The following RGS6 variants were observed in gnomAD, a reference collection of about 807,000 sequenced individuals.
RGS6 encodes the protein regulator of G protein signaling 6, also known as regulator of G-protein signaling 6.
Under a neutral mutation model 78.5 loss-of-function variants are expected in RGS6, and 30 were observed. The ratio of observed to expected loss-of-function variants is 0.38; its 90% CI spans 0.29 to 0.52. The LOEUF is 0.52. RGS6 is among the 20% of genes least tolerant of loss of function. RGS6 has a pLI of 0.85. For synonymous variants in RGS6, 206 were observed against 206.0 expected (o/e 1.00, Z 0.00); for missense variants, 495 against 609.7 (o/e 0.81, Z 1.98).
the RGS6 span, among the ~76,000 whole-genome samples, chr14:71,874,971 C>G: frequency 2.0e-5 from 3 of 152,198 alleles, no homozygotes; most frequent in African/African-American, 4.8e-5. Context: ...GTTGAACCAG[C>G]CTTGCATCCC....
chr14:72,197,892 T>C (rs987694716), intron 2 of RGS6, among the ~76,000 whole-genome samples: 1 of 152,132 alleles, frequency 6.6e-6, no homozygotes, highest in African/African-American at 2.4e-5. Flanking sequence ...GGTTAGATGC[T>C]AACCAATGCT....
chr14:72,567,820 C>G (rs1374218662), downstream of RGS6, among the ~76,000 whole-genome samples: 1 of 152,220 alleles, frequency 6.6e-6, no homozygotes, highest in Non-Finnish European at 1.5e-5. Flanking sequence ...TCTCCCTCCG[C>G]CACCCTTCCT....
chr14:72,361,825 T>A (rs546793586), intron 3 of RGS6, among the ~76,000 whole-genome samples: 1 of 151,844 alleles, frequency 6.6e-6, no homozygotes, highest in Non-Finnish European at 1.5e-5. Context: ...CAAAGCTGAG[T>A]GTGTTTTAGA....
chr14:72,113,134 A>T lies in RGS6; in HGVS notation c.84+148259A>T, dbSNP rs1257269176. On this transcript the variant is annotated intron_variant, in intron 2 of 17. Transcript: ENST00000553525. The stretch of plus-strand genomic sequence containing the variant: ...CACACACCCCACTTCATGCTTAGAC[A>T]GTGATAAAGTGAGTAGCTGGGGCAA... Among the ~76,000 whole-genome samples, 4 of 149,568 alleles carry T rather than the reference A, an allele frequency of 2.7e-5. No homozygotes were observed. The East Asian group carries it at 7.7e-4, about 29-fold the overall frequency.
chr14:72,578,388 T>C, the RGS6 span, among the ~76,000 whole-genome samples: 1 of 152,156 alleles, frequency 6.6e-6, no homozygotes, highest in Non-Finnish European at 1.5e-5. Flanking sequence ...TCAAATCCTG[T>C]GAAATCTGTG....
intron 2 of RGS6, among the ~76,000 whole-genome samples, chr14:72,263,328 G>T (rs143920008): frequency 6.6e-6 from 1 of 152,150 alleles, no homozygotes; most frequent in Non-Finnish European, 1.5e-5. Flanking sequence ...CTGATGTCAT[G>T]TTGGCCTTTG....
chr14:72,431,416 G>A (rs1005900115), intron 3 of RGS6, among the ~76,000 whole-genome samples: 36 of 152,102 alleles, frequency 2.4e-4, no homozygotes, highest in African/African-American at 5.6e-4. Flanking sequence ...GCAGTGGTGC[G>A]ATCTTGGCTC....
chr14:72,238,688 G>A (rs1456796609), intron 2 of RGS6, among the ~76,000 whole-genome samples: 1 of 152,100 alleles, frequency 6.6e-6, no homozygotes, highest in Non-Finnish European at 1.5e-5. Context: ...AGCCAATCTG[G>A]TACTTTTGAT....
intron 3 of RGS6, among the ~76,000 whole-genome samples, chr14:72,374,227 T>G (rs1480177238): frequency 6.6e-6 from 1 of 152,096 alleles, no homozygotes; most frequent in African/African-American, 2.4e-5. Flanking sequence ...CTCCTAATGC[T>G]ATCCCTCCCC....
intron 2 of RGS6, among the ~76,000 whole-genome samples, chr14:72,068,541 A>G (rs2094273524): frequency 7.6e-6 from 1 of 131,552 alleles, no homozygotes; most frequent in Admixed American, 9.0e-5. Context: ...TTTGTCGCCC[A>G]GGCTGGAGTG....
intron 6 of RGS6, among the ~76,000 whole-genome samples, chr14:72,462,744 A>G (rs1449093489): frequency 1.3e-5 from 2 of 152,194 alleles, no homozygotes; most frequent in African/African-American, 4.8e-5. Flanking sequence ...TTCCATCTCC[A>G]TCACTAACTA....
chr14:72,149,910 T>C (rs2096660005), intron 2 of RGS6, among the ~76,000 whole-genome samples: 2 of 152,166 alleles, frequency 1.3e-5, no homozygotes, highest in African/African-American at 4.8e-5. Context: ...CCTTTATCCT[T>C]TAGCAGATTA....
intron 2 of RGS6, among the ~76,000 whole-genome samples, chr14:72,018,757 G>A (rs987920454): frequency 9.9e-5 from 15 of 152,074 alleles, no homozygotes; most frequent in African/African-American, 3.1e-4. Context: ...ACTCCCCCTG[G>A]ACCAATACTT....
chr14:72,612,148 G>T, the RGS6 span, among the ~76,000 whole-genome samples: 1 of 152,206 alleles, frequency 6.6e-6, no homozygotes, highest in Non-Finnish European at 1.5e-5. Context: ...AACCCCCAGG[G>T]TGGACAACCA....
intron 3 of RGS6, among the ~76,000 whole-genome samples, chr14:72,373,159 A>G (rs1282476100): frequency 6.6e-6 from 1 of 152,208 alleles, no homozygotes; most frequent in Non-Finnish European, 1.5e-5. Context: ...AAAATAGAAG[A>G]TAAAATGGGA....
chr14:72,392,327 G>A (rs1305103014), intron 3 of RGS6, among the ~76,000 whole-genome samples: 2 of 152,144 alleles, frequency 1.3e-5, no homozygotes, highest in Non-Finnish European at 2.9e-5. Context: ...GTGGTCAGCA[G>A]AGGAAGATGG....
intron 2 of RGS6, among the ~76,000 whole-genome samples, chr14:72,158,309 T>G (rs189325973): frequency 6.6e-6 from 1 of 152,304 alleles, no homozygotes; most frequent in East Asian, 1.9e-4. Context: ...GAATTTCTTC[T>G]TCTCGTGAGG....
At chr14:72,404,951 T>G (rs1460344166) in intron 3 of RGS6, among the ~76,000 whole-genome samples, 5 of 151,786 alleles carry the variant, frequency 3.3e-5, no homozygotes, top group African/African-American at 1.2e-4. Context: ...TGAAGAGTAG[T>G]GAGAGGAAGG....
chr14:72,315,316 C>T (rs557754636), intron 2 of RGS6, among the ~76,000 whole-genome samples: 83 of 152,322 alleles, frequency 5.4e-4, no homozygotes, highest in South Asian at 1.7e-3. Flanking sequence ...CTTGAAATAA[C>T]GTTTACACTG....
Sources: gnomAD v4.1 joint callset for allele counts (sites outside exome capture counted in the v4.1 genomes callset) on GRCh38, gnomAD v4.1.1 for gene constraint, MANE v1.5 for transcripts, NCBI Gene and HGNC (gene_info 2026-07-23, HGNC 2026-07-21) for gene names.